CDH13: variants seen among roughly 807,000 people sequenced by gnomAD.
CDH13 encodes the protein cadherin-13.
Under a neutral mutation model 63.8 loss-of-function variants are expected in CDH13, and 24 were observed. That is an observed-to-expected ratio of 0.38 (90% confidence interval 0.27 to 0.53). The LOEUF is 0.53. Ranked by LOEUF, CDH13 falls within the 20% of genes least tolerant of loss-of-function variation. The pLI, the probability that CDH13 is intolerant of heterozygous loss-of-function variation, is 0.85. For synonymous variants in CDH13, 503 were observed against 355.3 expected, an observed-to-expected ratio of 1.42 and a Z score of -4.67; for missense variants, 1,049 against 903.1, an observed-to-expected ratio of 1.16 and a Z score of -2.07.
At chr16:83,225,723 T>C (rs1317323780) in intron 5 of CDH13, among the ~76,000 whole-genome samples, 1 of 152,196 alleles carries the variant, frequency 6.6e-6, no homozygotes. Flanking sequence ...TCCAAACCAA[T>C]TAAATCAGGA....
chr16:83,550,766 TAAATC>T (rs2075475994), intron 7 of CDH13, among the ~76,000 whole-genome samples: 1 of 152,206 alleles, frequency 6.6e-6, no homozygotes, highest in Non-Finnish European at 1.5e-5. Context: ...AAACATCTGT[TAAATC>T]GAGGAAGCAG....
chr16:83,027,102 ACC>A (rs79185242), intron 2 of CDH13, among the ~76,000 whole-genome samples: 18,052 of 100,902 alleles, frequency 0.18, 1,413 homozygotes, highest in South Asian at 0.22. Context: ...CAGAAGGGAG[ACC>A]CCCCCCCCCC....
intron 7 of CDH13, among the ~76,000 whole-genome samples, chr16:83,493,583 A>G (rs2074069596): frequency 6.6e-6 from 1 of 152,206 alleles, no homozygotes; most frequent in South Asian, 2.1e-4. Context: ...AAGGAGTGGC[A>G]TGGACAAAGG....
intron 6 of CDH13, among the ~76,000 whole-genome samples, chr16:83,402,463 C>T (rs1315905547): frequency 2.0e-5 from 3 of 152,220 alleles, no homozygotes; most frequent in Non-Finnish European, 4.4e-5. Flanking sequence ...TTTACCAATC[C>T]ACAGAAATAG....
At position 83,476,604 on chromosome 16, in the gene CDH13, C is replaced by T. The variant is rs139221601; in HGVS notation, c.782-9873C>T. On this transcript the variant is annotated intron_variant, in intron 6 of 13. Transcript: ENST00000567109. ...ATGAGAATCACTTGAACCTGGGGGACAGAGGTTGCTGTGAGCCCAGATTAC... is the reference window on the plus strand; with the variant it reads ...ATGAGAATCACTTGAACCTGGGGGATAGAGGTTGCTGTGAGCCCAGATTAC... Among the ~76,000 whole-genome samples, 123 of 152,266 alleles carry T rather than the reference C, an allele frequency of 8.1e-4. 1 individual carries two copies. The highest frequency in any genetic ancestry group is 2.6e-3 in the African/African-American group (108 of 41,548).
intron 7 of CDH13, among the ~76,000 whole-genome samples, chr16:83,521,727 C>G (rs1239861795): frequency 2.6e-5 from 4 of 152,132 alleles, no homozygotes; most frequent in Non-Finnish European, 5.9e-5. Context: ...ATGGGTTTTC[C>G]CATGGGATGC....
intron 7 of CDH13, among the ~76,000 whole-genome samples, chr16:83,573,376 A>G (rs1904821255): frequency 6.6e-6 from 1 of 152,310 alleles, no homozygotes; most frequent in African/African-American, 2.4e-5. Flanking sequence ...TGGGTTCAGC[A>G]AAAAAACCGG....
At chr16:82,980,439 T>C (rs1039449352) in intron 2 of CDH13, among the ~76,000 whole-genome samples, 2 of 152,198 alleles carry the variant, frequency 1.3e-5, no homozygotes, top group African/African-American at 4.8e-5. Context: ...TATCCAGAGC[T>C]GTACACAAGA....
chr16:82,914,939 G>A (rs1330878128), intron 2 of CDH13, among the ~76,000 whole-genome samples: 5 of 152,234 alleles, frequency 3.3e-5, no homozygotes, highest in Non-Finnish European at 7.3e-5. Context: ...CTCAGAAAAT[G>A]TGTTCAATGT....
At chr16:82,635,897 C>A (rs781006231) in intron 1 of CDH13, among the ~76,000 whole-genome samples, 1 of 152,014 alleles carries the variant, frequency 6.6e-6, no homozygotes, top group Non-Finnish European at 1.5e-5. Context: ...TCCCCCTTTG[C>A]GCCCCCTCTC....
At chr16:83,286,652 G>C (rs981066455) in intron 5 of CDH13, among the ~76,000 whole-genome samples, 1 of 151,506 alleles carries the variant, frequency 6.6e-6, no homozygotes, top group Non-Finnish European at 1.5e-5. Flanking sequence ...GCTACTTGGG[G>C]GGCTGAGGCA....
intron 2 of CDH13, among the ~76,000 whole-genome samples, chr16:82,897,906 C>G (rs903701599): frequency 6.6e-6 from 1 of 152,172 alleles, no homozygotes; most frequent in Non-Finnish European, 1.5e-5. Flanking sequence ...TATCAAACTC[C>G]TTTGCATGCC....
intron 1 of CDH13, among the ~76,000 whole-genome samples, chr16:82,741,621 T>A (rs1291079084): frequency 1.3e-5 from 2 of 152,136 alleles, no homozygotes; most frequent in African/African-American, 4.8e-5. Context: ...ATAAGGTGGT[T>A]GGATTGAAAA....
At chr16:83,699,249 ATATTCAAAATAGCACCAGTTGTTTTTC>A (rs1905852108) in intron 10 of CDH13, among the ~76,000 whole-genome samples, 1 of 152,240 alleles carries the variant, frequency 6.6e-6, no homozygotes, top group Non-Finnish European at 1.5e-5. Flanking sequence ...CCTGTTGCCA[ATATTCAAAATAGCACCAGTTGTTTTTC>A]TGTCAACAAA....
At chr16:83,438,748 G>T (rs1192438641) in intron 6 of CDH13, among the ~76,000 whole-genome samples, 1 of 152,168 alleles carries the variant, frequency 6.6e-6, no homozygotes, top group African/African-American at 2.4e-5. Context: ...ATGACAGAAT[G>T]GTTGTCTGAC....
intron 7 of CDH13, among the ~76,000 whole-genome samples, chr16:83,516,330 G>A (rs2074698363): frequency 6.6e-6 from 1 of 152,168 alleles, no homozygotes; most frequent in Admixed American, 6.5e-5. Context: ...ATAATTTTGA[G>A]ACCTTGAGCC....
chr16:83,610,054 A>C (rs1046676161), intron 8 of CDH13, among the ~76,000 whole-genome samples: 13 of 152,092 alleles, frequency 8.5e-5, no homozygotes, highest in African/African-American at 3.1e-4. Flanking sequence ...TTAGTACTTC[A>C]TTTCTTTGTG....
chr16:83,618,130 G>T (rs1909451655), intron 8 of CDH13, among the ~76,000 whole-genome samples: 1 of 150,280 alleles, frequency 6.7e-6, no homozygotes, highest in African/African-American at 2.5e-5. Flanking sequence ...TCATGTTGTT[G>T]CAAAGCACTT....
At chr16:83,089,738 G>A (rs1312337479) in intron 3 of CDH13, among the ~76,000 whole-genome samples, 3 of 152,142 alleles carry the variant, frequency 2.0e-5, no homozygotes, top group African/African-American at 7.2e-5. Context: ...TGCTATAAGG[G>A]CTACACGTCG....
Sources: gnomAD v4.1 joint callset for allele counts (sites outside exome capture counted in the v4.1 genomes callset) on GRCh38, gnomAD v4.1.1 for gene constraint, MANE v1.5 for transcripts, NCBI Gene and HGNC (gene_info 2026-07-23, HGNC 2026-07-21) for gene names.